Variants in AGBL4 observed in about 807,000 individuals in gnomAD.
AGBL4 encodes the protein AGBL carboxypeptidase 4.
In AGBL4, 58 loss-of-function variants were observed where a neutral mutation model predicts 66.4. That is an observed-to-expected ratio of 0.87 (90% CI 0.71 to 1.09). AGBL4 has a LOEUF of 1.09. Among genes scored for constraint, AGBL4 ranks in the 50% least tolerant of loss-of-function variants. The pLI, the probability that AGBL4 is intolerant of heterozygous loss-of-function variation, is 0.00. For missense variants in AGBL4, 579 were observed against 631.0 expected (o/e 0.92, Z 0.88); for synonymous variants, 234 against 222.9 (o/e 1.05, Z -0.44).
intron 5 of AGBL4, among the ~76,000 whole-genome samples, chr1:48,883,226 C>T (rs1193565714): frequency 6.6e-6 from 1 of 152,154 alleles, no homozygotes; most frequent in East Asian, 1.9e-4. Context: ...AACTTGCATT[C>T]CTACCAACAG....
intron 2 of AGBL4, among the ~76,000 whole-genome samples, chr1:49,753,947 G>C (rs568778848): frequency 1.3e-5 from 2 of 152,098 alleles, no homozygotes; most frequent in Non-Finnish European, 1.5e-5. Context: ...CTCTAAACTG[G>C]TTATTCTAGT....
chr1:49,977,622 A>G (rs1257600894), intron 1 of AGBL4, among the ~76,000 whole-genome samples: 2 of 152,132 alleles, frequency 1.3e-5, no homozygotes, highest in East Asian at 3.8e-4. Flanking sequence ...CTCTTCTCTC[A>G]CCTTCCATCA....
chr1:49,536,366 G>C (rs1483914604), intron 3 of AGBL4, among the ~76,000 whole-genome samples: 3 of 152,128 alleles, frequency 2.0e-5, no homozygotes, highest in Non-Finnish European at 4.4e-5. Flanking sequence ...CTGTGTGTGT[G>C]CGTGTGTGTT....
chr1:49,146,377 T>C (rs1211503893), intron 4 of AGBL4, among the ~76,000 whole-genome samples: 1 of 152,032 alleles, frequency 6.6e-6, no homozygotes, highest in African/African-American at 2.4e-5. Context: ...TAAATATATA[T>C]ACCTACTAGA....
chr1:48,614,718 C>T (rs547549468), intron 9 of AGBL4, among the ~76,000 whole-genome samples: 1 of 152,258 alleles, frequency 6.6e-6, no homozygotes, highest in South Asian at 2.1e-4. Context: ...AAACTACATT[C>T]TCCTCTCAGC....
chr1:49,974,995 A>G (rs1394483052), intron 1 of AGBL4, among the ~76,000 whole-genome samples: 1 of 152,200 alleles, frequency 6.6e-6, no homozygotes, highest in Middle Eastern at 3.2e-3. Flanking sequence ...ATTTTTAACA[A>G]AAGTATTCCA....
intron 4 of AGBL4, among the ~76,000 whole-genome samples, chr1:49,133,432 T>G (rs1331829252): frequency 6.6e-6 from 1 of 152,152 alleles, no homozygotes. Context: ...AACACAGTTT[T>G]ACAGATTTGA....
chr1:49,122,032 T>C (rs1454056252), intron 4 of AGBL4, among the ~76,000 whole-genome samples: 1 of 152,174 alleles, frequency 6.6e-6, no homozygotes, highest in East Asian at 1.9e-4. Context: ...CGGGAGAGAA[T>C]CTCCTTGTCT....
At chr1:49,575,816 C>A (rs1644424609) in intron 3 of AGBL4, among the ~76,000 whole-genome samples, 1 of 152,226 alleles carries the variant, frequency 6.6e-6, no homozygotes, top group African/African-American at 2.4e-5. Flanking sequence ...AGCAATATAA[C>A]TTTACTGTCC....
intron 2 of AGBL4, chr1:49,845,174 G>A: frequency 2.1e-6 from 3 of 1,417,268 alleles, no homozygotes; most frequent in South Asian, 2.3e-5. Context: ...TGTCACAAAT[G>A]AGGAAAAGTC....
intron 1 of AGBL4, among the ~76,000 whole-genome samples, chr1:49,990,307 G>T (rs937864035): frequency 1.3e-5 from 2 of 152,156 alleles, no homozygotes; most frequent in South Asian, 2.1e-4. Context: ...AAACTGGTGG[G>T]AGGTGATTGA....
rs375723295 is a variant in AGBL4, at chr1:48,939,127, T to C, written c.595-71897A>G. On this transcript the variant is annotated intron_variant, in intron 5 of 13. Coordinates refer to ENST00000371839, the MANE Select transcript of AGBL4 (RefSeq NM_032785.4). ...GCTATGCTAGAGCAACATCTCTTTA[T>C]GTCTTTTCCCCATTGGACCCTGAGA... Among the ~76,000 whole-genome samples the C allele has an allele frequency of 1.7e-3, 262 of 152,372 alleles. 1 individual carries two copies. The highest frequency in any genetic ancestry group is 5.9e-3 in the African/African-American group (246 of 41,594).
chr1:49,769,966 G>A (rs1163819592), intron 2 of AGBL4, among the ~76,000 whole-genome samples: 2 of 152,128 alleles, frequency 1.3e-5, no homozygotes, highest in African/African-American at 4.8e-5. Flanking sequence ...TGACAAGTGG[G>A]ACCTAATTAA....
intron 6 of AGBL4, among the ~76,000 whole-genome samples, chr1:48,826,057 C>A (rs78021554): frequency 6.6e-6 from 1 of 152,120 alleles, no homozygotes; most frequent in Non-Finnish European, 1.5e-5. Context: ...CTCTTATAAA[C>A]GATCCCTTTA....
intron 5 of AGBL4, among the ~76,000 whole-genome samples, chr1:49,015,291 A>G (rs2149012873): frequency 6.6e-6 from 1 of 152,196 alleles, no homozygotes; most frequent in Middle Eastern, 3.4e-3. Flanking sequence ...AGCTGGGGGA[A>G]TGGTAGGGTT....
intron 5 of AGBL4, among the ~76,000 whole-genome samples, chr1:49,015,453 C>T (rs1662744541): frequency 7.0e-6 from 1 of 141,860 alleles, no homozygotes; most frequent in Non-Finnish European, 1.5e-5. Flanking sequence ...GATGGAGTCT[C>T]GCTGTGTCGC....
intron 3 of AGBL4, among the ~76,000 whole-genome samples, chr1:49,446,767 T>G (rs979843230): frequency 2.7e-4 from 41 of 152,134 alleles, no homozygotes; most frequent in African/African-American, 9.4e-4. Flanking sequence ...GGAAATAAAA[T>G]GACTAAACTT....
At chr1:49,856,207 G>A (rs1646429104) in intron 1 of AGBL4, among the ~76,000 whole-genome samples, 1 of 151,962 alleles carries the variant, frequency 6.6e-6, no homozygotes, top group Admixed American at 6.6e-5. Flanking sequence ...TAGAAAACCT[G>A]AACAGATTAA....
chr1:49,515,012 G>C (rs1440417688), intron 3 of AGBL4, among the ~76,000 whole-genome samples: 1 of 152,006 alleles, frequency 6.6e-6, no homozygotes, highest in African/African-American at 2.4e-5. Flanking sequence ...AAAAGCAATG[G>C]CAACAAAAGA....
Sources: gnomAD v4.1 joint callset for allele counts (sites outside exome capture counted in the v4.1 genomes callset) on GRCh38, gnomAD v4.1.1 for gene constraint, MANE v1.5 for transcripts, NCBI Gene and HGNC (gene_info 2026-07-23, HGNC 2026-07-21) for gene names.